CHRNB3: variants seen among roughly 807,000 people sequenced by gnomAD.
The protein encoded by CHRNB3 is neuronal acetylcholine receptor subunit beta-3.
Under a neutral mutation model 40.6 loss-of-function variants are expected in CHRNB3, and 37 were observed. That is an observed-to-expected ratio of 0.91 (90% confidence interval 0.70 to 1.20). The LOEUF (loss-of-function observed/expected upper bound fraction) is 1.20. Ranked by LOEUF, CHRNB3 falls within the 50% of genes most tolerant of loss-of-function variation. CHRNB3 has a pLI of 0.00. For synonymous variants in CHRNB3, 207 were observed against 207.1 expected (o/e 1.00, Z 0.00); for missense variants, 505 against 551.2 (o/e 0.92, Z 0.84).
intron 3 of CHRNB3, among the ~76,000 whole-genome samples, chr8:42,719,907 A>G (rs1411927837): frequency 6.6e-6 from 1 of 151,990 alleles, no homozygotes; most frequent in Non-Finnish European, 1.5e-5. Context: ...AGCAGTATTG[A>G]CCACAAGTCC....
chr8:42,728,893 G>C (rs1816352856), intron 3 of CHRNB3, among the ~76,000 whole-genome samples: 1 of 152,104 alleles, frequency 6.6e-6, no homozygotes, highest in African/African-American at 2.4e-5. Flanking sequence ...GCTACTGTAA[G>C]TGAGTTCCCT....
intron 3 of CHRNB3, among the ~76,000 whole-genome samples, chr8:42,729,480 A>G (rs1457981521): frequency 1.3e-5 from 2 of 152,154 alleles, no homozygotes; most frequent in African/African-American, 4.8e-5. Flanking sequence ...TTAAAGGCCC[A>G]TACATCTTAA....
chr8:42,717,948 T>C (rs71521595), intron 3 of CHRNB3, among the ~76,000 whole-genome samples: 16,116 of 149,274 alleles, frequency 0.11, 1,108 homozygotes, highest in African/African-American at 0.18. Flanking sequence ...TTCTCCCACC[T>C]CATCCTCCTG....
At chr8:42,729,195 C>T (rs1816359868) in intron 3 of CHRNB3, among the ~76,000 whole-genome samples, 1 of 151,970 alleles carries the variant, frequency 6.6e-6, no homozygotes, top group Admixed American at 6.6e-5. Flanking sequence ...ATCATGAGGT[C>T]AGGAGATCGA....
chr8:42,712,884 CTG>C (rs1816042112), intron 3 of CHRNB3, among the ~76,000 whole-genome samples: 1 of 104,198 alleles, frequency 9.6e-6, no homozygotes, highest in African/African-American at 3.2e-5. Flanking sequence ...TTTTTTGAGT[CTG>C]TGTCTCACTC....
chr8:42,732,515 C>A lies in CHRNB3; in HGVS notation c.1208C>A (p.Ser403Ter). The stretch of plus-strand genomic sequence containing the variant: ...GCTGCTGATTCCATTAGATACATTT[C>A]GAGACATGTGAAGAAAGAACATTTT... Reference protein sequence around the residue: ...EKAADSIRYISRHVKKEHFIS... With the variant: ...EKAADSIRYI The change falls in exon 5 of 6, where the codon TCG (serine) becomes TAG (stop). Residue 403 changes from serine (S) to a stop codon, truncating the protein, a stop_gained. Coordinates refer to ENST00000289957, the MANE Select transcript of CHRNB3 (RefSeq NM_000749.5). LOFTEE classifies it high-confidence loss of function. 1.2e-6 allele frequency: 2 copies of A among 1,605,044 alleles called. No homozygotes were observed. Among genetic ancestry groups the A allele is most frequent in the South Asian group, 2.3e-5 (2 of 88,872 alleles).
chr8:42,734,789 C>G (rs1158122191), intron 5 of CHRNB3, among the ~76,000 whole-genome samples: 2 of 152,110 alleles, frequency 1.3e-5, no homozygotes, highest in Non-Finnish European at 2.9e-5. Context: ...TATGTCCTCT[C>G]TCTTAACAAT....
chr8:42,724,695 T>C (rs1015912741), intron 3 of CHRNB3, among the ~76,000 whole-genome samples: 1 of 152,040 alleles, frequency 6.6e-6, no homozygotes, highest in African/African-American at 2.4e-5. Flanking sequence ...AACGCTGGAA[T>C]TGGCCGGGCG....
At chr8:42,712,171 T>G (rs1439064981) in intron 3 of CHRNB3, among the ~76,000 whole-genome samples, 1 of 151,986 alleles carries the variant, frequency 6.6e-6, no homozygotes, top group African/African-American at 2.4e-5. Context: ...TTTTGTATTT[T>G]TAGTAGAGAT....
At chr8:42,729,098 C>T (rs781596013) in intron 3 of CHRNB3, among the ~76,000 whole-genome samples, 14 of 152,168 alleles carry the variant, frequency 9.2e-5, no homozygotes, top group Non-Finnish European at 1.9e-4. Context: ...GTTTCATATG[C>T]GTGATTTCCC....
rs555902902 is a variant in CHRNB3 at position 42,716,774 on chromosome 8, G to A, written c.249+6340G>A. Among the ~76,000 whole-genome samples, 6 of 152,116 alleles carry A rather than the reference G, an allele frequency of 3.9e-5. No individual in the cohort carries two copies. The South Asian group carries it at 1.0e-3, about 26-fold the overall frequency. ...TAGTTCTCAATCTGGTCCGGTACCC[G>A]AGTCCCCGCCTCCAGAGTCAGTTTC... On this transcript the variant is annotated intron_variant, in intron 3 of 5. Coordinates refer to ENST00000289957, the MANE Select transcript of CHRNB3 (RefSeq NM_000749.5).
chr8:42,715,743 T>C (rs1816088082), intron 3 of CHRNB3, among the ~76,000 whole-genome samples: 1 of 152,128 alleles, frequency 6.6e-6, no homozygotes, highest in Admixed American at 6.5e-5. Context: ...GGAAGTCTTC[T>C]ACATGGTGCT....
At chr8:42,724,197 C>T (rs890286517) in intron 3 of CHRNB3, among the ~76,000 whole-genome samples, 10 of 152,048 alleles carry the variant, frequency 6.6e-5, no homozygotes, top group African/African-American at 1.5e-4. Context: ...GAGTTCGAGA[C>T]CAGCCTGACC....
At chr8:42,702,814 C>T (rs1008692923) in intron 1 of CHRNB3, among the ~76,000 whole-genome samples, 4 of 152,178 alleles carry the variant, frequency 2.6e-5, no homozygotes, top group Non-Finnish European at 4.4e-5. Context: ...CTCTAAATAA[C>T]AGTAAAGCAT....
At chr8:42,702,145 G>C (rs1445729395) in intron 1 of CHRNB3, among the ~76,000 whole-genome samples, 1 of 152,146 alleles carries the variant, frequency 6.6e-6, no homozygotes, top group Non-Finnish European at 1.5e-5. Flanking sequence ...CAGTGCACAG[G>C]AGATGACCAG....
chr8:42,731,473 T>G (rs1197873476), intron 4 of CHRNB3, among the ~76,000 whole-genome samples, 194 bp from the exon 5 acceptor site: 1 of 152,100 alleles, frequency 6.6e-6, no homozygotes, highest in African/African-American at 2.4e-5. Context: ...GCAAATTGCT[T>G]GAACCCGGGA....
chr8:42,707,204 C>A lies in CHRNB3; in HGVS notation c.53-1513C>A, dbSNP rs142896121. 3.9e-5 allele frequency among the ~76,000 whole-genome samples: 6 copies of A among 152,328 alleles called. No homozygotes were observed. The East Asian group carries it at 1.2e-3, about 29-fold the overall frequency. ...TGCCTCTGAGGTGCTGGGACAGAGGCACCTGGAATTGCTCCTCTCTTAGGA... is the reference window on the plus strand; with the variant it reads ...TGCCTCTGAGGTGCTGGGACAGAGGAACCTGGAATTGCTCCTCTCTTAGGA... On this transcript the variant is annotated intron_variant, in intron 1 of 5. Transcript: ENST00000289957.
chr8:42,726,700 G>A (rs920098417), intron 3 of CHRNB3, among the ~76,000 whole-genome samples: 1 of 152,086 alleles, frequency 6.6e-6, no homozygotes, highest in African/African-American at 2.4e-5. Context: ...ATGTTGGCCA[G>A]GCTGATCATG....
chr8:42,733,529 C>T lies in CHRNB3; in HGVS notation c.1242+980C>T, dbSNP rs374682505. Among the ~76,000 whole-genome samples, 10 of 151,558 alleles carry T rather than the reference C, an allele frequency of 6.6e-5. No homozygotes were observed. In the South Asian group the frequency reaches 1.0e-3, roughly 16 times the overall value. On this transcript the variant is annotated intron_variant, in intron 5 of 5. Transcript: ENST00000289957. ...TACCCAGCACACAGGGGCTCAGCTC[C>T]GTTGTATAAGCAGTCAACAAGTGTG...
Sources: gnomAD v4.1 joint callset for allele counts (sites outside exome capture counted in the v4.1 genomes callset) on GRCh38, gnomAD v4.1.1 for gene constraint, MANE v1.5 for transcripts, NCBI Gene and HGNC (gene_info 2026-07-23, HGNC 2026-07-21) for gene names.